IKBKB: variants seen among roughly 807,000 people sequenced by gnomAD.
The protein encoded by IKBKB is inhibitor of nuclear factor kappa-B kinase subunit beta.
In IKBKB, 42 loss-of-function variants were observed where a neutral mutation model predicts 113.6. The ratio of observed to expected loss-of-function variants is 0.37; its 90% CI spans 0.29 to 0.48. The LOEUF is 0.48. Ranked by LOEUF, IKBKB falls within the 20% of genes least tolerant of loss-of-function variation. IKBKB has a pLI of 0.99. For missense variants in IKBKB, 673 were observed against 939.7 expected (o/e 0.72, Z 3.71); for synonymous variants, 296 against 361.3 (o/e 0.82, Z 2.05).
At chr8:42,314,764 G>A (rs1312506261) in intron 9 of IKBKB, among the ~76,000 whole-genome samples, 1 of 146,958 alleles carries the variant, frequency 6.8e-6, no homozygotes, top group Middle Eastern at 3.3e-3. Flanking sequence ...GACAGAGTGA[G>A]ACTCCATCTC....
rs1429753664 is a variant in IKBKB at position 42,317,599 on chromosome 8, CAGTT to C, written c.1126-55_1126-52del. The C allele has an allele frequency of 8.9e-6, 10 of 1,117,366 alleles. No individual in the cohort carries two copies. In the African/African-American group the frequency reaches 1.4e-4, roughly 15 times the overall value. The allele number at this position is 1,117,366 out of a possible 1,614,324, so 69.2% of individuals were successfully genotyped here. ...GAAAGCTGTGGAACTTCTTCATTAT[CAGTT>C]AGAAAAGAGAGGGTTGGATCCACAA... On this transcript the variant is annotated intron_variant, in intron 11 of 21. Coordinates refer to ENST00000520810, the MANE Select transcript of IKBKB (RefSeq NM_001556.3).
At chr8:42,306,532 G>A (rs535801212) in intron 7 of IKBKB, 100 bp downstream of exon 7, 7 of 783,912 alleles carry the variant, frequency 8.9e-6, no homozygotes, top group East Asian at 2.6e-5. Context: ...AGTCCCACCG[G>A]CTCTCTGAAT....
At chr8:42,273,285 C>T (rs906925638) in intron 2 of IKBKB, among the ~76,000 whole-genome samples, 3 of 151,316 alleles carry the variant, frequency 2.0e-5, no homozygotes, top group East Asian at 3.9e-4. Flanking sequence ...TGTGGTGGTG[C>T]ATGCCTGTAA....
Position 42,332,047 on chromosome 8 carries a change from A to G in IKBKB, c.*1068A>G, listed in dbSNP as rs544738195. ...TTTGTATAGTGCCTGGATCATTACT[A>G]GTGCCATAACCCTGCTTCTTCAACA... is the stretch of plus-strand genomic sequence containing the variant. On this transcript the variant is annotated 3_prime_UTR_variant, in exon 22 of 22. Coordinates refer to ENST00000520810, the MANE Select transcript of IKBKB (RefSeq NM_001556.3). The G allele has an allele frequency of 6.5e-6, 1 of 153,282 alleles. No homozygotes were observed. The highest frequency in any genetic ancestry group is 1.9e-4 in the East Asian group (1 of 5,196). 9.5% of individuals were successfully genotyped at this position (153,282 alleles called of 1,614,324 possible).
intron 2 of IKBKB, among the ~76,000 whole-genome samples, chr8:42,287,437 G>A (rs1811649840): frequency 6.6e-6 from 1 of 152,280 alleles, no homozygotes; most frequent in African/African-American, 2.4e-5. Context: ...TATAGCAGAG[G>A]GTGAGACCCT....
intron 5 of IKBKB, 102 bp from the exon 6 acceptor site, chr8:42,305,085 T>A (rs1816233066): frequency 1.3e-6 from 1 of 769,254 alleles, no homozygotes; most frequent in African/African-American, 1.7e-5. Flanking sequence ...CAAGTCAGAG[T>A]ATGTTTCAGG....
intron 2 of IKBKB, among the ~76,000 whole-genome samples, chr8:42,273,421 T>A (rs9657176): frequency 2.6e-3 from 239 of 92,714 alleles, no homozygotes; most frequent in Middle Eastern, 8.8e-3. Flanking sequence ...TCTCAAAAAA[T>A]ATATATATAT....
chr8:42,288,698 G>C lies in IKBKB; in HGVS notation c.170G>C (p.Arg57Pro). 1 of 1,611,062 alleles carries C rather than the reference G, an allele frequency of 6.2e-7. No individual in the cohort carries two copies. The part of the protein sequence containing the change: ...RQELSPRNRE[R>P]WCLEIQIMRR... ...GAGCTCAGCCCCCGGAACCGAGAGC[G>C]GTGGTGCCTGGAGATCCAGATCATG... The change falls in exon 3 of 22, where the codon CGG (arginine) becomes CCG (proline). Residue 57 changes from arginine to proline, a missense_variant. By Grantham distance (103) the Arg-to-Pro change is moderately radical (BLOSUM62 -2). Coordinates refer to ENST00000520810, the MANE Select transcript of IKBKB (RefSeq NM_001556.3).
At chr8:42,320,540 G>T in intron 15 of IKBKB, 195 bp from the exon 16 acceptor site, 2 of 524,106 alleles carry the variant, frequency 3.8e-6, no homozygotes, top group Non-Finnish European at 6.7e-6. Context: ...CTTGCCAAGG[G>T]GTCACACAGC....
chr8:42,273,621 G>A (rs1180483285), intron 2 of IKBKB, among the ~76,000 whole-genome samples: 1 of 151,986 alleles, frequency 6.6e-6, no homozygotes, highest in Non-Finnish European at 1.5e-5. Flanking sequence ...GCCCAGGCTT[G>A]TCTCAAACTC....
In IKBKB at chr8:42,322,173, T is replaced by C; in HGVS notation, c.1838+20T>C. 6.2e-7 allele frequency: 1 copy of C among 1,602,696 alleles called. No homozygotes were observed. The highest frequency in any genetic ancestry group is 8.5e-7 in the Non-Finnish European group (1 of 1,169,824). On this transcript the variant is annotated intron_variant, in intron 18 of 21. Coordinates refer to ENST00000520810, the MANE Select transcript of IKBKB (RefSeq NM_001556.3). The stretch of plus-strand genomic sequence containing the variant: ...GCTCAGGTATGAGCCCCGACCTTCC[T>C]GCTCTGGAGGAAGGACTGGGAGATG...
At chr8:42,307,152 C>T (rs1816697565) in intron 7 of IKBKB, among the ~76,000 whole-genome samples, 1 of 152,090 alleles carries the variant, frequency 6.6e-6, no homozygotes, top group South Asian at 2.1e-4. Context: ...ATTGGGTGGC[C>T]TCAGCCTGGT....
rs1172782654 is a variant in IKBKB, at chr8:42,293,453, A to G, written c.329A>G (p.Gln110Arg). The G allele has an allele frequency of 3.7e-6, 6 of 1,614,058 alleles. No individual in the cohort carries two copies. The highest frequency in any genetic ancestry group is 1.3e-5 in the African/African-American group (1 of 74,926). ...TCACTTTCTTGACAGTACCTGAACCAGTTTGAGAACTGCTGTGGTCTGCGG... is the reference window on the plus strand; with the variant it reads ...TCACTTTCTTGACAGTACCTGAACCGGTTTGAGAACTGCTGTGGTCTGCGG... ...QGGDLRKYLN[Q>R]FENCCGLREG... Residue 110 changes from glutamine to arginine, a missense_variant, in exon 5 of 22, where the codon CAG becomes CGG. By Grantham distance (43) the Gln-to-Arg change is conservative. Around this residue, in one of 2 missense-constraint regions of IKBKB, gnomAD observed 167 missense variants for 301.0 expected, o/e 0.55. Coordinates refer to ENST00000520810, the MANE Select transcript of IKBKB (RefSeq NM_001556.3).
In IKBKB at chr8:42,331,621, T is replaced by G. The variant is rs1821696048; in HGVS notation, c.*642T>G. 1.6e-5 allele frequency: 9 copies of G among 574,044 alleles called. 1 individual carries two copies. The South Asian group carries it at 1.8e-4, about 12-fold the overall frequency. The allele number at this position is 574,044 out of a possible 1,614,324, so 35.6% of individuals were successfully genotyped here. Reference sequence around the variant, plus strand: ...TGTTTTTACCTACTACTTTGGTGGTTGTCCTCTTTTCGGCAAAGTTGGAGC... The same window carrying G: ...TGTTTTTACCTACTACTTTGGTGGTGGTCCTCTTTTCGGCAAAGTTGGAGC... On this transcript the variant is annotated 3_prime_UTR_variant, in exon 22 of 22. Transcript: ENST00000520810.
intron 2 of IKBKB, among the ~76,000 whole-genome samples, chr8:42,282,205 C>T (rs959966568): frequency 6.6e-6 from 1 of 152,010 alleles, no homozygotes; most frequent in African/African-American, 2.4e-5. Flanking sequence ...TTTTTTGAGA[C>T]AGGGTCTCAC....
chr8:42,316,147 A>T lies in IKBKB; in HGVS notation c.801-63A>T. 1 of 1,586,336 alleles carries T rather than the reference A, an allele frequency of 6.3e-7. No individual in the cohort carries two copies. The highest frequency in any genetic ancestry group is 1.3e-5 in the African/African-American group (1 of 74,466). Reference sequence around the variant, plus strand: ...CTGCCGTCTGTGTGTATACTGGGAGACGCACACTGTAGCCCAACATTGGCT... The same window carrying T: ...CTGCCGTCTGTGTGTATACTGGGAGTCGCACACTGTAGCCCAACATTGGCT... On this transcript the variant is annotated intron_variant, in intron 9 of 21. Coordinates refer to ENST00000520810, the MANE Select transcript of IKBKB (RefSeq NM_001556.3). The surrounding 1 kb of genome is among the most constrained non-coding windows in gnomAD (Gnocchi z 4.5).
At chr8:42,305,728 G>A (rs1327189862) in intron 6 of IKBKB, among the ~76,000 whole-genome samples, 1 of 152,190 alleles carries the variant, frequency 6.6e-6, no homozygotes, top group African/African-American at 2.4e-5. Flanking sequence ...AGCTCTTTGT[G>A]GCCTCCTCAG....
At chr8:42,289,652 G>A (rs1256395631) in intron 3 of IKBKB, among the ~76,000 whole-genome samples, 1 of 152,150 alleles carries the variant, frequency 6.6e-6, no homozygotes, top group Non-Finnish European at 1.5e-5. Flanking sequence ...GTGCTATTTG[G>A]TTATGTCATG....
At chr8:42,274,784 G>GCCACCCCCCCC (rs1563290444) in intron 2 of IKBKB, among the ~76,000 whole-genome samples, 1 of 41,646 alleles carries the variant, frequency 2.4e-5, no homozygotes, top group Admixed American at 3.6e-4. Flanking sequence ...CCCCGCCGGC[G>GCCACCCCCCCC]CGCCCCCCCC....
Sources: allele counts gnomAD v4.1 joint callset (sites outside exome capture counted in the v4.1 genomes callset), GRCh38; gene constraint gnomAD v4.1.1; regional missense constraint gnomAD v4.1.1; non-coding constraint Gnocchi (gnomAD v3.1); transcripts MANE v1.5; gene names NCBI Gene and HGNC (gene_info 2026-07-23, HGNC 2026-07-21).